Variants in NLGN1 observed in about 807,000 individuals in gnomAD.
NLGN1 encodes the protein neuroligin-1.
Under a neutral mutation model 65.5 loss-of-function variants are expected in NLGN1, and 12 were observed. The observed-to-expected ratio is 0.18, with a 90% CI of 0.12 to 0.30. The LOEUF is 0.30. Ranked by LOEUF, NLGN1 falls within the 10% of genes least tolerant of loss-of-function variation. NLGN1 has a pLI of 1.00. For missense variants in NLGN1, 750 were observed against 1,007.1 expected (o/e 0.74, Z 3.46); for synonymous variants, 350 against 359.5 (o/e 0.97, Z 0.30).
intron 3 of NLGN1, among the ~76,000 whole-genome samples, chr3:173,633,300 C>T (rs1198395288): frequency 1.3e-5 from 2 of 152,134 alleles, no homozygotes; most frequent in Non-Finnish European, 2.9e-5. Context: ...ATGGCTTGGC[C>T]TCTGCAAACT....
intron 4 of NLGN1, among the ~76,000 whole-genome samples, chr3:174,235,885 C>G (rs1389954653): frequency 6.6e-6 from 1 of 151,470 alleles, no homozygotes. Context: ...CTCCACAACT[C>G]CAATTCCCCT....
At chr3:173,491,015 A>G (rs1412422237) in intron 2 of NLGN1, among the ~76,000 whole-genome samples, 8 of 151,870 alleles carry the variant, frequency 5.3e-5, no homozygotes. Flanking sequence ...GGGGTTTTCT[A>G]GATATACAAT....
intron 2 of NLGN1, among the ~76,000 whole-genome samples, chr3:173,485,553 G>T (rs115971893): frequency 0.051 from 7,696 of 152,086 alleles, 270 homozygotes; most frequent in Non-Finnish European, 0.071. Context: ...TTAAAATATT[G>T]ATTCTTTCCA....
chr3:173,992,893 A>C (rs2152414878), intron 4 of NLGN1, among the ~76,000 whole-genome samples: 1 of 152,302 alleles, frequency 6.6e-6, no homozygotes, highest in Middle Eastern at 3.4e-3. Flanking sequence ...CGTTTACAAC[A>C]ATCTTAGTCT....
chr3:174,287,976 T>C (rs766103932), downstream of NLGN1, among the ~76,000 whole-genome samples: 6 of 151,558 alleles, frequency 4.0e-5, no homozygotes, highest in Admixed American at 6.6e-5. Context: ...TTGTCTACTA[T>C]GGGTTAGGCA....
chr3:173,797,687 C>T (rs1242298805), intron 3 of NLGN1, among the ~76,000 whole-genome samples: 3 of 50,420 alleles, frequency 6.0e-5, no homozygotes, highest in Admixed American at 1.6e-4. Flanking sequence ...AATAAAACAA[C>T]AACAACAACA....
intron 4 of NLGN1, among the ~76,000 whole-genome samples, chr3:174,090,649 G>A (rs1706514538): frequency 6.6e-6 from 1 of 152,034 alleles, no homozygotes; most frequent in African/African-American, 2.4e-5. Flanking sequence ...TAAAACTCAG[G>A]TTGAATATAG....
intron 4 of NLGN1, among the ~76,000 whole-genome samples, chr3:173,936,630 A>G (rs1346990547): frequency 2.0e-5 from 3 of 152,070 alleles, no homozygotes; most frequent in Non-Finnish European, 4.4e-5. Context: ...GACCTTTAGA[A>G]TGAACTAACT....
chr3:174,160,694 A>C (rs1436728979), intron 4 of NLGN1, among the ~76,000 whole-genome samples: 2 of 150,868 alleles, frequency 1.3e-5, no homozygotes, highest in Non-Finnish European at 3.0e-5. Flanking sequence ...TTCCAATATA[A>C]TAATTGTATA....
At chr3:174,152,611 G>T (rs752499558) in intron 4 of NLGN1, among the ~76,000 whole-genome samples, 1 of 151,768 alleles carries the variant, frequency 6.6e-6, no homozygotes, top group Non-Finnish European at 1.5e-5. Context: ...AAACCTGCAC[G>T]CTGTGCACAT....
chr3:173,727,080 T>G (rs970768164), intron 3 of NLGN1, among the ~76,000 whole-genome samples: 2 of 152,118 alleles, frequency 1.3e-5, no homozygotes, highest in African/African-American at 4.8e-5. Context: ...CGTCTATCAA[T>G]TGAGAAGAGA....
intron 4 of NLGN1, among the ~76,000 whole-genome samples, chr3:174,108,122 G>A (rs1432921135): frequency 6.6e-6 from 1 of 152,008 alleles, no homozygotes; most frequent in Admixed American, 6.6e-5. Flanking sequence ...ATCTTTCACA[G>A]AGCAATTTTT....
intron 2 of NLGN1, among the ~76,000 whole-genome samples, chr3:173,602,020 A>T (rs994030446): frequency 1.3e-5 from 2 of 152,072 alleles, no homozygotes; most frequent in Non-Finnish European, 2.9e-5. Flanking sequence ...TGCGGTGATC[A>T]TAAGGATGGC....
rs183612246 is a variant in NLGN1 at position 173,582,764 on chromosome 3, A to G, written c.-320-21515A>G. On this transcript the variant is annotated intron_variant, in intron 2 of 6. Coordinates refer to ENST00000457714, the Ensembl canonical transcript of NLGN1. ...ATTTATATAATTGCTTTATTTTAATATATCAAATTTAATATTATTTCTTTA... is the reference window on the plus strand; with the variant it reads ...ATTTATATAATTGCTTTATTTTAATGTATCAAATTTAATATTATTTCTTTA... 1.4e-3 allele frequency among the ~76,000 whole-genome samples: 206 copies of G among 152,252 alleles called. 1 individual carries two copies. Among genetic ancestry groups the G allele is most frequent in the African/African-American group, 4.5e-3 (189 of 41,572 alleles).
intron 3 of NLGN1, among the ~76,000 whole-genome samples, chr3:173,717,126 A>G (rs2149981229): frequency 6.6e-6 from 1 of 152,292 alleles, no homozygotes; most frequent in African/African-American, 2.4e-5. Flanking sequence ...ACATCTAATA[A>G]AAGAAGCTTC....
chr3:174,009,076 T>A (rs1443295001), intron 4 of NLGN1, among the ~76,000 whole-genome samples: 1 of 152,110 alleles, frequency 6.6e-6, no homozygotes, highest in Non-Finnish European at 1.5e-5. Flanking sequence ...GATCAAGGCA[T>A]TGGCAAACAT....
intron 3 of NLGN1, among the ~76,000 whole-genome samples, chr3:173,732,110 C>G (rs1772949899): frequency 6.6e-6 from 1 of 151,956 alleles, no homozygotes; most frequent in Non-Finnish European, 1.5e-5. Flanking sequence ...GCTTAAACCC[C>G]CTTCACTAGG....
intron 4 of NLGN1, among the ~76,000 whole-genome samples, chr3:174,122,224 A>G (rs964202059): frequency 1.3e-5 from 2 of 152,194 alleles, no homozygotes; most frequent in African/African-American, 4.8e-5. Flanking sequence ...AAGTTGTTCA[A>G]TGCCATCCGC....
intron 1 of NLGN1, among the ~76,000 whole-genome samples, chr3:173,413,178 G>A (rs1446640024): frequency 6.6e-6 from 1 of 152,112 alleles, no homozygotes; most frequent in Non-Finnish European, 1.5e-5. Context: ...GGGATGCAAT[G>A]TGACTGTGAT....
Sources: allele counts gnomAD v4.1 joint callset (sites outside exome capture counted in the v4.1 genomes callset), GRCh38; gene constraint gnomAD v4.1.1; transcripts MANE v1.5; gene names NCBI Gene and HGNC (gene_info 2026-07-23, HGNC 2026-07-21).